AVPR2: variants seen among roughly 807,000 people sequenced by gnomAD.
AVPR2 encodes the protein vasopressin V2 receptor.
AVPR2 carries 3 observed loss-of-function variants against 12.0 expected under a neutral mutation model. The observed-to-expected ratio is 0.25, with a 90% CI of 0.11 to 0.64. The LOEUF (loss-of-function observed/expected upper bound fraction) is 0.64, where lower values mean the gene tolerates loss of function less well. Ranked by LOEUF, AVPR2 falls within the 30% of genes least tolerant of loss-of-function variation. The probability of loss-of-function intolerance (pLI) is 0.84; values close to 1 mark genes in which losing one functional copy is unlikely to be tolerated. For synonymous variants in AVPR2, 143 were observed against 147.5 expected, an observed-to-expected ratio of 0.97 and a Z score of 0.22; for missense variants, 279 against 347.9, an observed-to-expected ratio of 0.80 and a Z score of 1.58.
Position 153,906,364 on chromosome X carries a change from C to G in AVPR2, c.858C>G (p.Pro286=). 1 of 1,211,789 alleles carries G rather than the reference C, an allele frequency of 8.3e-7. No homozygotes were observed. The highest frequency in any genetic ancestry group is 1.1e-6 in the Non-Finnish European group (1 of 895,293). ...IVVVYVLCWA[P]FFLVQLWAAW... ...TCGTCTATGTGCTGTGCTGGGCACC[C>G]TTCTTCCTGGTGCAGCTGTGGGCCG... The change falls in exon 3 of 4, where the codon CCC becomes CCG. Residue 286 remains proline (P), a synonymous_variant. Transcript: ENST00000646375.
chrX:153,905,629 G>C lies in AVPR2; in HGVS notation c.123G>C (p.Leu41=). Residue 41 remains leucine (L), a synonymous_variant, in exon 3 of 4, where the codon CTG becomes CTC. Transcript: ENST00000646375. ...ACCCGCTGCTAGCCCGGGCGGAGCT[G>C]GCGCTGCTCTCCATAGTCTTTGTGG... The part of the protein sequence containing the change: ...TRDPLLARAE[L]ALLSIVFVAV... 8.3e-7 allele frequency: 1 copy of C among 1,211,189 alleles called. No individual in the cohort carries two copies. The highest frequency in any genetic ancestry group is 1.1e-6 in the Non-Finnish European group (1 of 895,210).
chrX:153,904,524 G>A (rs1557100083), upstream of AVPR2, among the ~76,000 whole-genome samples: 1 of 111,862 alleles, frequency 8.9e-6, no homozygotes, highest in African/African-American at 3.3e-5. Context: ...GGTAGGGTGA[G>A]GGTGGGCGTG....
In AVPR2 at chrX:153,905,918, C is replaced by T; in HGVS notation, c.412C>T (p.His138Tyr). The change falls in exon 3 of 4, where the codon CAC (histidine) becomes TAC (tyrosine). Residue 138 changes from histidine (H) to tyrosine (Y), a missense_variant. His to Tyr is a moderately conservative substitution (Grantham distance 83). Coordinates refer to ENST00000646375, the MANE Select transcript of AVPR2 (RefSeq NM_000054.7). The stretch of plus-strand genomic sequence containing the variant: ...GATCCTGGCCATGACGCTGGACCGC[C>T]ACCGTGCCATCTGCCGTCCCATGCT... ...YMILAMTLDR[H>Y]RAICRPMLAY... is the part of the protein sequence containing the mutation. 1 of 1,203,996 alleles carries T rather than the reference C, an allele frequency of 8.3e-7. No individual in the cohort carries two copies.
rs782108263 is a variant in AVPR2, at chrX:153,906,068, G to A, written c.562G>A (p.Gly188Arg). Residue 188 changes from glycine to arginine, a missense_variant, in exon 3 of 4, where the codon GGG becomes AGG. Physicochemically the swap from Gly to Arg is moderately radical, Grantham distance 125. Coordinates refer to ENST00000646375, the MANE Select transcript of AVPR2 (RefSeq NM_000054.7). ...FAQRNVEGGSGVTDCWACFAE... is the reference protein window; with the variant it reads ...FAQRNVEGGSRVTDCWACFAE... ...CCAGCGCAACGTGGAAGGTGGCAGC[G>A]GGGTCACTGACTGCTGGGCCTGCTT... The A allele has an allele frequency of 9.1e-6, 11 of 1,210,907 alleles. No individual in the cohort carries two copies. Among genetic ancestry groups the A allele is most frequent in the East Asian group, 5.9e-5 (2 of 33,817 alleles).
At chrX:153,905,496 C>T (rs371688834) in intron 2 of AVPR2, 36 bp from the exon 3 acceptor site, 481 of 1,148,426 alleles carry the variant, frequency 4.2e-4, no homozygotes, top group Non-Finnish European at 5.2e-4. Flanking sequence ...GCACAGCACC[C>T]TCTCTAACCA....
At chrX:153,904,540 T>C (rs2064949829), upstream of AVPR2, among the ~76,000 whole-genome samples, 1 of 110,415 alleles carries the variant, frequency 9.1e-6, no homozygotes, top group Admixed American at 9.5e-5. Context: ...GCGTGGAGGC[T>C]ATGGCAGTGG....
upstream of AVPR2, among the ~76,000 whole-genome samples, chrX:153,903,979 G>A (rs1176089878): frequency 2.7e-5 from 3 of 110,539 alleles, no homozygotes; most frequent in Admixed American, 9.5e-5. Flanking sequence ...GGGAAGGTGC[G>A]TCCATACTCA....
In AVPR2 at chrX:153,905,188, A is replaced by T; in HGVS notation, c.25+18A>T. ...CACTTCCGGTAAGGCTTGCCCCTCC[A>T]TGAGTCCGGTGGGCAGAGTGGGTTT... On this transcript the variant is annotated intron_variant, in intron 2 of 3. Coordinates refer to ENST00000646375, the MANE Select transcript of AVPR2 (RefSeq NM_000054.7). 8.3e-7 allele frequency: 1 copy of T among 1,211,244 alleles called. No individual in the cohort carries two copies. The highest frequency in any genetic ancestry group is 2.3e-4 in the Middle Eastern group (1 of 4,323).
chrX:153,904,084 C>G (rs974682385), upstream of AVPR2, among the ~76,000 whole-genome samples: 172 of 112,435 alleles, frequency 1.5e-3, no homozygotes, highest in Non-Finnish European at 1.5e-3. Flanking sequence ...GGAGGGAGCC[C>G]GTGAGCACAC....
rs1569545592 is a variant in AVPR2, at chrX:153,906,948, G to GC, written c.*224dup. The GC allele has an allele frequency of 2.0e-6, 1 of 493,192 alleles. No homozygotes were observed. The highest frequency in any genetic ancestry group is 2.9e-5 in the Admixed American group (1 of 34,858). 40.6% of individuals were successfully genotyped at this position (493,192 alleles called of 1,213,427 possible). On this transcript the variant is annotated 3_prime_UTR_variant, in exon 4 of 4. Transcript: ENST00000646375. ...AGCTTCAGGCCCCAGGACTGTGGGG[G>GC]CCCCTCAGGTCAGCTCACTGAGCTG... is the stretch of plus-strand genomic sequence containing the variant.
At chrX:153,903,169 A>G (rs1257791406), upstream of AVPR2, among the ~76,000 whole-genome samples, 7 of 112,096 alleles carry the variant, frequency 6.2e-5, no homozygotes, top group African/African-American at 2.3e-4. Context: ...GCCATCTCCT[A>G]TTCCACTGAT....
In AVPR2 at chrX:153,905,088, CA is replaced by C; in HGVS notation, c.-57del. 8.3e-7 allele frequency: 1 copy of C among 1,208,693 alleles called. No homozygotes were observed. On this transcript the variant is annotated 5_prime_UTR_variant, in exon 2 of 4. Transcript: ENST00000646375. ...TGGGCCATTGAACTTGCTCCTCAGGCAGAGGCTGAGTCCGCACATCACCTCC... is the reference window on the plus strand; with the variant it reads ...TGGGCCATTGAACTTGCTCCTCAGGCGAGGCTGAGTCCGCACATCACCTCC...
At position 153,904,776 on chromosome X, in the gene AVPR2, G is replaced by C. The variant is rs1380472145; in HGVS notation, c.-173+5G>C. ...GCTGCCCAGGAGCCCAGCCAGGTAA[G>C]GGGCTGCGCCTGCCTGCCCCCCTGC... On this transcript the variant is annotated splice_donor_5th_base_variant and intron_variant, in intron 1 of 3. Transcript: ENST00000646375. 1 of 333,352 alleles carries C rather than the reference G, an allele frequency of 3.0e-6. No individual in the cohort carries two copies. Among genetic ancestry groups the C allele is most frequent in the Admixed American group, 4.6e-5 (1 of 21,527 alleles). The allele number at this position is 333,352 out of a possible 1,213,427, so 27.5% of individuals were successfully genotyped here. A position where few individuals can be genotyped will look rare whatever the true frequency, so the allele number is the denominator to read the frequency against.
chrX:153,904,181 G>T (rs1313329336), upstream of AVPR2, among the ~76,000 whole-genome samples: 7 of 112,222 alleles, frequency 6.2e-5, no homozygotes, highest in Non-Finnish European at 1.3e-4. Flanking sequence ...TCTCACAGGG[G>T]TTCGTGAAGC....
rs1018730341 is a variant in AVPR2, at chrX:153,906,361, A to G, written c.855A>G (p.Ala285=). 8 of 1,209,544 alleles carry G rather than the reference A, an allele frequency of 6.6e-6. No homozygotes were observed. Among genetic ancestry groups the G allele is most frequent in the Admixed American group, 2.2e-5 (1 of 45,815 alleles). ...TGGTCGTCTATGTGCTGTGCTGGGCACCCTTCTTCCTGGTGCAGCTGTGGG... is the reference window on the plus strand; with the variant it reads ...TGGTCGTCTATGTGCTGTGCTGGGCGCCCTTCTTCCTGGTGCAGCTGTGGG... ...VIVVVYVLCW[A]PFFLVQLWAA... Residue 285 remains alanine, a synonymous_variant, in exon 3 of 4, where the codon GCA becomes GCG. Coordinates refer to ENST00000646375, the MANE Select transcript of AVPR2 (RefSeq NM_000054.7).
chrX:153,904,643 A>G, upstream of AVPR2: 1 of 137,004 alleles, frequency 7.3e-6, no homozygotes. Context: ...GGGGAGGGGG[A>G]GGAAGTCCCC....
In AVPR2 at chrX:153,906,861, G is replaced by A; in HGVS notation, c.*133G>A. On this transcript the variant is annotated 3_prime_UTR_variant, in exon 4 of 4. Coordinates refer to ENST00000646375, the MANE Select transcript of AVPR2 (RefSeq NM_000054.7). ...CCTGTGGCCCCGAGGCTGGGACACTGTGTGGCCCTGGACAAGCCACAGCCC... is the reference window on the plus strand; with the variant it reads ...CCTGTGGCCCCGAGGCTGGGACACTATGTGGCCCTGGACAAGCCACAGCCC... 2.9e-6 allele frequency: 2 copies of A among 694,597 alleles called. No homozygotes were observed. The highest frequency in any genetic ancestry group is 4.5e-6 in the Non-Finnish European group (2 of 444,802). The allele number at this position is 694,597 out of a possible 1,213,427, so 57.2% of individuals were successfully genotyped here. A position where few individuals can be genotyped will look rare whatever the true frequency, so the allele number is the denominator to read the frequency against.
At position 153,905,962 on chromosome X, in the gene AVPR2, T is replaced by G; in HGVS notation, c.456T>G (p.Ser152Arg). The change falls in exon 3 of 4, where the codon AGT becomes AGG. Residue 152 changes from serine to arginine, a missense_variant. Coordinates refer to ENST00000646375, the MANE Select transcript of AVPR2 (RefSeq NM_000054.7). Reference sequence around the variant, plus strand: ...CCATGCTGGCGTACCGCCATGGAAGTGGGGCTCACTGGAACCGGCCGGTGC... The same window carrying G: ...CCATGCTGGCGTACCGCCATGGAAGGGGGGCTCACTGGAACCGGCCGGTGC... ...CRPMLAYRHGSGAHWNRPVLV... is the reference protein window; with the variant it reads ...CRPMLAYRHGRGAHWNRPVLV... 8.3e-7 allele frequency: 1 copy of G among 1,204,520 alleles called. No homozygotes were observed. The highest frequency in any genetic ancestry group is 1.1e-6 in the Non-Finnish European group (1 of 895,599).
rs782365510 is a variant in AVPR2, at chrX:153,906,768, C to T, written c.*40C>T. 80 of 1,151,472 alleles carry T rather than the reference C, an allele frequency of 6.9e-5. No individual in the cohort carries two copies. Among genetic ancestry groups the T allele is most frequent in the Non-Finnish European group, 9.2e-5 (78 of 848,842 alleles). The allele number at this position is 1,151,472 out of a possible 1,213,427, so 94.9% of individuals were successfully genotyped here. A position where few individuals can be genotyped will look rare whatever the true frequency, so the allele number is the denominator to read the frequency against. On this transcript the variant is annotated 3_prime_UTR_variant, in exon 4 of 4. Coordinates refer to ENST00000646375, the MANE Select transcript of AVPR2 (RefSeq NM_000054.7). ...TCTTGCCTCTAGAGGCTTTGAGAAG[C>T]TCAGCTGCCTTCCTGGGGCTGGTCC...
Sources: allele counts gnomAD v4.1 joint callset (sites outside exome capture counted in the v4.1 genomes callset), GRCh38; gene constraint gnomAD v4.1.1; transcripts MANE v1.5; gene names NCBI Gene and HGNC (gene_info 2026-07-23, HGNC 2026-07-21).